Variants in GTF2I observed in about 807,000 individuals in gnomAD.
The protein encoded by GTF2I is general transcription factor II-I.
GTF2I carries 12 observed loss-of-function variants against 67.6 expected under a neutral mutation model. The observed-to-expected ratio is 0.18, with a 90% CI of 0.11 to 0.29. The LOEUF (loss-of-function observed/expected upper bound fraction) is 0.29, where lower values mean the gene tolerates loss of function less well. Among genes scored for constraint, GTF2I ranks in the 10% least tolerant of loss-of-function variants. The pLI is 1.00. For missense variants in GTF2I, 271 were observed against 580.1 expected, an observed-to-expected ratio of 0.47 and a Z score of 5.47; for synonymous variants, 149 against 197.0, an observed-to-expected ratio of 0.76 and a Z score of 2.04.
At chr7:74,690,886 AATGT>A in intron 2 of GTF2I, 83 bp from the exon 3 acceptor site, 2 of 1,225,322 alleles carry the variant, frequency 1.6e-6, no homozygotes, top group Middle Eastern at 2.7e-4. Flanking sequence ...ACCTTTAAAA[AATGT>A]TGTTAGTTTT....
At position 74,700,208 on chromosome 7, in the gene GTF2I, A is replaced by C. The variant is rs1554399458; in HGVS notation, c.374-39A>C. 2.5e-6 allele frequency: 4 copies of C among 1,594,690 alleles called. No homozygotes were observed. The Admixed American group carries it at 6.8e-5, about 27-fold the overall frequency. ...AGCGATGATTTCATTTTGTAATCTT[A>C]CCATTGAATGATGTTCATCCGCTTT... On this transcript the variant is annotated intron_variant, in intron 4 of 34. Coordinates refer to ENST00000573035, the MANE Select transcript of GTF2I (RefSeq NM_032999.4).
intron 6 of GTF2I, among the ~76,000 whole-genome samples, chr7:74,704,288 A>ATTTATTTT (rs1554400679): frequency 6.0e-5 from 9 of 149,660 alleles, no homozygotes; most frequent in African/African-American, 2.0e-4. Context: ...TTATTTATTT[A>ATTTATTTT]TTTATTTTTT....
At chr7:74,714,476 A>G (rs2131415585) in intron 9 of GTF2I, among the ~76,000 whole-genome samples, 1 of 152,242 alleles carries the variant, frequency 6.6e-6, no homozygotes, top group East Asian at 1.9e-4. Context: ...CCAAAGAAGA[A>G]ACAAATAAAC....
intron 8 of GTF2I, among the ~76,000 whole-genome samples, chr7:74,709,819 C>T (rs1454782276): frequency 1.3e-5 from 2 of 151,578 alleles, no homozygotes; most frequent in Non-Finnish European, 2.9e-5. Flanking sequence ...ACTACAGGTG[C>T]GTGCCACCAC....
At chr7:74,664,209 G>A (rs1804771289) in intron 1 of GTF2I, among the ~76,000 whole-genome samples, 1 of 152,104 alleles carries the variant, frequency 6.6e-6, no homozygotes, top group Admixed American at 6.6e-5. Context: ...TTCTTGCCCT[G>A]TCGTCCTTTA....
chr7:74,732,655 A>G lies in GTF2I; in HGVS notation c.1297A>G (p.Ile433Val). 1 of 1,567,906 alleles carries G rather than the reference A, an allele frequency of 6.4e-7. No homozygotes were observed. The highest frequency in any genetic ancestry group is 1.4e-5 in the African/African-American group (1 of 72,668). The change falls in exon 15 of 35, where the codon ATT (isoleucine) becomes GTT (valine). Residue 433 changes from isoleucine to valine, a missense_variant. Transcript: ENST00000573035. Reference protein sequence around the residue: ...LLAKERIRFVIKKHELLNSTR... With the variant: ...LLAKERIRFVVKKHELLNSTR... ...TGCAAAGGAAAGGATTCGTTTTGTGATTAAGAAGTAAGACTCTTGGATTCC... is the reference window on the plus strand; with the variant it reads ...TGCAAAGGAAAGGATTCGTTTTGTGGTTAAGAAGTAAGACTCTTGGATTCC...
chr7:74,715,809 T>G (rs1716538166), intron 10 of GTF2I, among the ~76,000 whole-genome samples: 1 of 152,046 alleles, frequency 6.6e-6, no homozygotes, highest in Admixed American at 6.6e-5. Flanking sequence ...CCCAGATAAT[T>G]GTGACATGCT....
intron 1 of GTF2I, among the ~76,000 whole-genome samples, chr7:74,666,152 C>CA (rs1202315610): frequency 2.4e-4 from 37 of 152,248 alleles, no homozygotes; most frequent in African/African-American, 8.9e-4. Flanking sequence ...CAGAGCTTGA[C>CA]AGTTGGATTG....
intron 7 of GTF2I, 66 bp downstream of exon 7, chr7:74,705,284 T>C (rs1554401056): frequency 1.1e-6 from 1 of 925,096 alleles, no homozygotes; most frequent in Non-Finnish European, 1.8e-6. Context: ...TGTTAGATAA[T>C]TGAGATATCA....
chr7:74,706,330 A>T, intron 7 of GTF2I, 60 bp from the exon 8 acceptor site: 1 of 1,412,672 alleles, frequency 7.1e-7, no homozygotes, highest in Non-Finnish European at 1.0e-6. Flanking sequence ...GAGACTTTGA[A>T]TGCTGTGGGA....
intron 1 of GTF2I, among the ~76,000 whole-genome samples, chr7:74,686,804 C>A (rs187866845): frequency 2.0e-5 from 3 of 152,184 alleles, no homozygotes; most frequent in Non-Finnish European, 4.4e-5. Context: ...CCTTTACTTC[C>A]GTCTCTAGTC....
intron 13 of GTF2I, among the ~76,000 whole-genome samples, chr7:74,729,516 C>CA (rs1794250348): frequency 7.3e-6 from 1 of 137,204 alleles, no homozygotes; most frequent in African/African-American, 2.8e-5. Flanking sequence ...CTTGCTCTGT[C>CA]ACCCAGGTTG....
intron 12 of GTF2I, among the ~76,000 whole-genome samples, chr7:74,725,826 G>A (rs782487755): frequency 6.6e-6 from 1 of 151,388 alleles, no homozygotes; most frequent in Non-Finnish European, 1.5e-5. Context: ...CACTCTAGTA[G>A]ATTTGCCTTT....
chr7:74,687,349 C>T (rs1306994902), intron 1 of GTF2I, among the ~76,000 whole-genome samples: 27 of 152,184 alleles, frequency 1.8e-4, no homozygotes, highest in Admixed American at 7.2e-4. Flanking sequence ...CTCAGCCTCC[C>T]AAGTAGCTGG....
chr7:74,666,977 C>G (rs1304598763), intron 1 of GTF2I, among the ~76,000 whole-genome samples: 1 of 151,842 alleles, frequency 6.6e-6, no homozygotes, highest in African/African-American at 2.4e-5. Flanking sequence ...GACACTCTGT[C>G]TCAAAAAACA....
At chr7:74,712,633 T>G (rs1394109042) in intron 9 of GTF2I, among the ~76,000 whole-genome samples, 2 of 151,258 alleles carry the variant, frequency 1.3e-5, no homozygotes, top group African/African-American at 4.9e-5. Context: ...GTCACTCAAT[T>G]TAAGTTTTCA....
intron 1 of GTF2I, among the ~76,000 whole-genome samples, chr7:74,679,543 A>G (rs1554393465): frequency 2.6e-5 from 4 of 152,162 alleles, no homozygotes. Context: ...CTGCTGAAAG[A>G]CTGTGTAGTA....
chr7:74,699,893 G>T, intron 4 of GTF2I: 1 of 200,188 alleles, frequency 5.0e-6, no homozygotes, highest in Non-Finnish European at 1.0e-5. Flanking sequence ...GTATTTTATG[G>T]TAATAGTTGG....
At chr7:74,665,744 C>T (rs1482853499) in intron 1 of GTF2I, among the ~76,000 whole-genome samples, 4 of 152,174 alleles carry the variant, frequency 2.6e-5, no homozygotes, top group South Asian at 2.1e-4. Context: ...TCGACTATGA[C>T]GTTAATCTCC....
Sources: allele counts gnomAD v4.1 joint callset (sites outside exome capture counted in the v4.1 genomes callset), GRCh38; gene constraint gnomAD v4.1.1; transcripts MANE v1.5; gene names NCBI Gene and HGNC (gene_info 2026-07-23, HGNC 2026-07-21).